The following DMD variants were observed in gnomAD, a reference collection of about 807,000 sequenced individuals.
DMD encodes the protein dystrophin, also known as mutant dystrophin.
A neutral mutation model predicts 330.1 loss-of-function variants in DMD; 63 were observed. The observed-to-expected ratio is 0.19, with a 90% CI of 0.16 to 0.24. The LOEUF is 0.24. DMD is among the 10% of genes least tolerant of loss of function. The pLI is 1.00. For synonymous variants in DMD, 1,223 were observed against 959.8 expected (o/e 1.27, Z -5.07); for missense variants, 3,344 against 2,684.1 (o/e 1.25, Z -5.43).
chrX:32,670,601 A>C lies in DMD; in HGVS notation c.961-25449T>G, dbSNP rs766953321. ...GTAAGTGTACAATGAATGCTACCTAAATTATCATAAAACAGTCAACAGTGA... is the reference window on the plus strand; with the variant it reads ...GTAAGTGTACAATGAATGCTACCTACATTATCATAAAACAGTCAACAGTGA... On this transcript the variant is annotated intron_variant, in intron 9 of 78. Transcript: ENST00000357033. 6.3e-5 allele frequency among the ~76,000 whole-genome samples: 7 copies of C among 111,847 alleles called. No homozygotes were observed. The East Asian group carries it at 1.7e-3, about 27-fold the overall frequency.
chrX:31,614,655 C>T (rs2148325410), intron 55 of DMD, among the ~76,000 whole-genome samples: 1 of 112,035 alleles, frequency 8.9e-6, no homozygotes, highest in Admixed American at 9.5e-5. Context: ...AACTCTCTCT[C>T]ATAACCAGGC....
intron 11 of DMD, among the ~76,000 whole-genome samples, chrX:32,618,019 G>T (rs1329435678): frequency 9.0e-6 from 1 of 111,293 alleles, no homozygotes; most frequent in Non-Finnish European, 1.9e-5. Context: ...CCACAATGAG[G>T]TATCAGCTTA....
intron 53 of DMD, among the ~76,000 whole-genome samples, chrX:31,661,391 C>G (rs773483447): frequency 5.5e-5 from 6 of 109,709 alleles, no homozygotes; most frequent in African/African-American, 1.7e-4. Context: ...TAAAGACATT[C>G]CCCACACAGA....
chrX:32,813,170 C>T (rs779836708), intron 6 of DMD, among the ~76,000 whole-genome samples: 1 of 111,600 alleles, frequency 9.0e-6, no homozygotes, highest in African/African-American at 3.3e-5. Flanking sequence ...ACCAAAAGGC[C>T]TTTGAGGTCA....
intron 44 of DMD, among the ~76,000 whole-genome samples, chrX:32,191,204 G>A (rs1414172507): frequency 2.7e-5 from 3 of 111,387 alleles, no homozygotes; most frequent in Non-Finnish European, 3.8e-5. Flanking sequence ...AGCTTCTATC[G>A]AGAGACTGTG....
intron 45 of DMD, among the ~76,000 whole-genome samples, chrX:31,940,820 A>G (rs760111952): frequency 1.6e-4 from 18 of 111,083 alleles, no homozygotes; most frequent in African/African-American, 5.6e-4. Context: ...GCAGGAGTGT[A>G]GTAAGAACGT....
chrX:32,541,608 A>G (rs1225156183), intron 17 of DMD, among the ~76,000 whole-genome samples: 1 of 111,618 alleles, frequency 9.0e-6, no homozygotes, highest in East Asian at 2.8e-4. Flanking sequence ...CTGAGTACAC[A>G]TGGACACAAA....
At chrX:31,515,770 G>A (rs1428172295) in intron 55 of DMD, among the ~76,000 whole-genome samples, 5 of 111,661 alleles carry the variant, frequency 4.5e-5, no homozygotes, top group Non-Finnish European at 9.4e-5. Context: ...GCATCACCTC[G>A]TTTTATAGCG....
intron 1 of DMD, among the ~76,000 whole-genome samples, chrX:33,306,336 TGAA>T (rs1349033147): frequency 1.8e-5 from 2 of 111,756 alleles, no homozygotes; most frequent in Non-Finnish European, 3.8e-5. Flanking sequence ...GGTACACAAA[TGAA>T]GAAGATGTGG....
At chrX:33,173,325 T>C (rs919251847) in intron 1 of DMD, among the ~76,000 whole-genome samples, 5 of 111,657 alleles carry the variant, frequency 4.5e-5, no homozygotes. Context: ...ATGAATTTAT[T>C]GTTTTAAATT....
intron 30 of DMD, among the ~76,000 whole-genome samples, chrX:32,411,290 C>T (rs1043136469): frequency 9.0e-6 from 1 of 110,762 alleles, no homozygotes; most frequent in Non-Finnish European, 1.9e-5. Flanking sequence ...GCCAACAAAC[C>T]TGGCTAATTT....
At chrX:32,607,793 A>T (rs759981983) in intron 12 of DMD, among the ~76,000 whole-genome samples, 2 of 110,669 alleles carry the variant, frequency 1.8e-5, no homozygotes, top group Non-Finnish European at 3.8e-5. Flanking sequence ...TTTTATAATT[A>T]GTTTATCTAC....
intron 59 of DMD, among the ~76,000 whole-genome samples, chrX:31,451,036 A>C (rs1406947767): frequency 1.8e-5 from 2 of 109,912 alleles, no homozygotes; most frequent in African/African-American, 6.6e-5. Flanking sequence ...ACTTAGATTA[A>C]CTTCATCTGC....
intron 9 of DMD, among the ~76,000 whole-genome samples, chrX:32,672,599 C>T (rs963430948): frequency 1.8e-5 from 2 of 110,443 alleles, no homozygotes; most frequent in African/African-American, 6.6e-5. Flanking sequence ...GGACATAGAA[C>T]AAAAATCCAA....
intron 17 of DMD, among the ~76,000 whole-genome samples, chrX:32,544,055 T>G (rs1253753210): frequency 8.9e-6 from 1 of 111,954 alleles, no homozygotes; most frequent in African/African-American, 3.2e-5. Flanking sequence ...GTAAAAACAC[T>G]TCTTGGCTGA....
intron 1 of DMD, among the ~76,000 whole-genome samples, chrX:33,054,735 T>C (rs934769366): frequency 2.7e-5 from 3 of 112,013 alleles, no homozygotes; most frequent in Non-Finnish European, 5.6e-5. Context: ...TTAGGGGAAC[T>C]GCAACAATCC....
intron 45 of DMD, among the ~76,000 whole-genome samples, chrX:31,951,143 GTATA>G (rs796324072): frequency 1.3e-5 from 1 of 74,338 alleles, no homozygotes; most frequent in African/African-American, 6.2e-5. Context: ...ATATATATGT[GTATA>G]TATATATATA....
intron 7 of DMD, among the ~76,000 whole-genome samples, chrX:32,744,910 A>G (rs1250932742): frequency 8.9e-6 from 1 of 111,902 alleles, no homozygotes; most frequent in Non-Finnish European, 1.9e-5. Flanking sequence ...GCGGGGTGGG[A>G]GAGTTCTTAA....
intron 1 of DMD, among the ~76,000 whole-genome samples, chrX:33,023,748 C>T (rs1463855195): frequency 9.0e-6 from 1 of 111,111 alleles, no homozygotes; most frequent in African/African-American, 3.3e-5. Context: ...AAGTCATGGG[C>T]TCCATTTGAT....
Sources: gnomAD v4.1 joint callset for allele counts (sites outside exome capture counted in the v4.1 genomes callset) on GRCh38, gnomAD v4.1.1 for gene constraint, MANE v1.5 for transcripts, NCBI Gene and HGNC (gene_info 2026-07-23, HGNC 2026-07-21) for gene names.